Variants in KIF20B observed in about 807,000 individuals in gnomAD.
KIF20B encodes the protein kinesin-like protein KIF20B.
A neutral mutation model predicts 232.5 loss-of-function variants in KIF20B; 188 were observed. The observed-to-expected ratio is 0.81, with a 90% CI of 0.72 to 0.91. The LOEUF is 0.91. KIF20B is among the 40% of genes least tolerant of loss of function. KIF20B has a pLI of 0.00. For missense variants in KIF20B, 2,154 were observed against 2,055.9 expected (o/e 1.05, Z -0.92); for synonymous variants, 712 against 683.0 (o/e 1.04, Z -0.66).
At chr10:89,763,370 AT>A (rs1274971126) in intron 29 of KIF20B, among the ~76,000 whole-genome samples, 1 of 152,238 alleles carries the variant, frequency 6.6e-6, no homozygotes. Context: ...CAGTTAAACT[AT>A]AATACATCAA....
At position 89,711,106 on chromosome 10, in the gene KIF20B, A is replaced by G; in HGVS notation, c.636A>G (p.Glu212=). 6.4e-7 allele frequency: 1 copy of G among 1,563,640 alleles called. No individual in the cohort carries two copies. Among genetic ancestry groups the G allele is most frequent in the Non-Finnish European group, 8.7e-7 (1 of 1,153,730 alleles). The change falls in exon 6 of 33, where the codon GAA becomes GAG. Residue 212 remains glutamate, a synonymous_variant. Transcript: ENST00000371728. ...TATCATCAGAACAAGAGAAAGAAGAAATTGCTAGCAAAAGTGCATTGCTTC... is the reference window on the plus strand; with the variant it reads ...TATCATCAGAACAAGAGAAAGAAGAGATTGCTAGCAAAAGTGCATTGCTTC... ...LRLSSEQEKE[E]IASKSALLRQ...
At chr10:89,712,232 A>G (rs988309497) in intron 6 of KIF20B, among the ~76,000 whole-genome samples, 2 of 151,456 alleles carry the variant, frequency 1.3e-5, no homozygotes, top group African/African-American at 2.4e-5. Flanking sequence ...CCCTGCCCCC[A>G]TTGTGTTTTT....
chr10:89,751,180 G>A (rs1842014439), intron 23 of KIF20B, among the ~76,000 whole-genome samples, 166 bp from the exon 24 acceptor site: 5 of 151,972 alleles, frequency 3.3e-5, no homozygotes, highest in Admixed American at 3.3e-4. Context: ...TACCAGTACT[G>A]TTGTAGACAT....
At chr10:89,758,629 A>G (rs1842179691) in intron 26 of KIF20B, 77 bp from the exon 27 acceptor site, 1 of 988,500 alleles carries the variant, frequency 1.0e-6, no homozygotes, top group Admixed American at 3.5e-5. Flanking sequence ...ATGGTGTTAC[A>G]TATAATAATT....
Position 89,756,526 on chromosome 10 carries a change from T to G in KIF20B, c.4503+1853T>G, listed in dbSNP as rs115076550. Among the ~76,000 whole-genome samples the G allele has an allele frequency of 4.5e-3, 687 of 152,338 alleles. 10 individuals carry two copies. The highest frequency in any genetic ancestry group is 0.015 in the African/African-American group (635 of 41,572). On this transcript the variant is annotated intron_variant, in intron 26 of 32. Coordinates refer to ENST00000371728, the MANE Select transcript of KIF20B (RefSeq NM_001284259.2). ...TCTGCCATACTTAAGAAACACATTT[T>G]TGATGTAATGTTAATTTTTGATGTA... is the stretch of plus-strand genomic sequence containing the variant.
At chr10:89,745,041 G>T (rs1841880869) in intron 22 of KIF20B, among the ~76,000 whole-genome samples, 1 of 152,180 alleles carries the variant, frequency 6.6e-6, no homozygotes, top group Non-Finnish European at 1.5e-5. Flanking sequence ...GGTAAAAGGG[G>T]TGGAGAGCTC....
At chr10:89,720,999 A>G (rs1843044108) in intron 13 of KIF20B, among the ~76,000 whole-genome samples, 5 of 151,948 alleles carry the variant, frequency 3.3e-5, no homozygotes, top group Admixed American at 3.3e-4. Flanking sequence ...GAGCCACCTT[A>G]CCTGGCCACC....
chr10:89,737,607 T>C lies in KIF20B; in HGVS notation c.2766T>C (p.Ser922=), dbSNP rs1429412233. ...IVHFQQELSL[S]EKKNLTLSKE... ...ATTTTCAGCAGGAACTTTCTCTTTCTGAAAAAAAGAATTTAACTTTAAGTA... is the reference window on the plus strand; with the variant it reads ...ATTTTCAGCAGGAACTTTCTCTTTCCGAAAAAAAGAATTTAACTTTAAGTA... The change falls in exon 20 of 33, where the codon TCT becomes TCC. Residue 922 remains serine (S), a synonymous_variant. Transcript: ENST00000371728. 2.5e-6 allele frequency: 4 copies of C among 1,603,874 alleles called. No individual in the cohort carries two copies. The South Asian group carries it at 4.5e-5, about 18-fold the overall frequency.
intron 31 of KIF20B, among the ~76,000 whole-genome samples, chr10:89,770,086 T>C (rs1842435516): frequency 6.6e-6 from 1 of 152,058 alleles, no homozygotes; most frequent in Non-Finnish European, 1.5e-5. Context: ...GCATTAGAAC[T>C]TAAGACCAAA....
intron 2 of KIF20B, among the ~76,000 whole-genome samples, chr10:89,708,299 C>T (rs1241548068): frequency 6.6e-6 from 1 of 151,962 alleles, no homozygotes; most frequent in Admixed American, 6.6e-5. Flanking sequence ...GCAATCTCTG[C>T]CTCCCAGGTT....
rs375176305 is a variant in KIF20B, at chr10:89,765,953, C to CT, written c.4990-2334dup. ...CTTAACATTTTTTCCTTCATTTTGA[C>CT]TTTGCTGAATCTGACAATTATGTGT... On this transcript the variant is annotated intron_variant, in intron 29 of 32. Coordinates refer to ENST00000371728, the MANE Select transcript of KIF20B (RefSeq NM_001284259.2). Among the ~76,000 whole-genome samples the CT allele has an allele frequency of 2.9e-3, 436 of 152,150 alleles. 2 individuals are homozygous for CT. Among genetic ancestry groups the CT allele is most frequent in the African/African-American group, 9.2e-3 (381 of 41,522 alleles).
intron 13 of KIF20B, among the ~76,000 whole-genome samples, chr10:89,720,004 T>A (rs1308844023): frequency 1.3e-5 from 2 of 152,134 alleles, no homozygotes; most frequent in Admixed American, 1.3e-4. Flanking sequence ...TTTGAACATA[T>A]TTTTCTAAGA....
At chr10:89,771,609 C>T (rs1442718444) in intron 31 of KIF20B, among the ~76,000 whole-genome samples, 1 of 151,952 alleles carries the variant, frequency 6.6e-6, no homozygotes, top group Non-Finnish European at 1.5e-5. Context: ...CCATTCAGAG[C>T]CTCTTTATTG....
chr10:89,713,357 T>C (rs1386415130), intron 6 of KIF20B, among the ~76,000 whole-genome samples: 2 of 101,734 alleles, frequency 2.0e-5, no homozygotes, highest in African/African-American at 7.4e-5. Context: ...CAAGACTCTC[T>C]CAAAAAAAAA....
Position 89,714,930 on chromosome 10 carries a change from TTTTTTC to T in KIF20B, c.713-13_713-8del, listed in dbSNP as rs757282477. 1.5e-6 allele frequency: 2 copies of T among 1,375,444 alleles called. No individual in the cohort carries two copies. Among genetic ancestry groups the T allele is most frequent in the Admixed American group, 2.2e-5 (1 of 45,226 alleles). 85.2% of individuals were successfully genotyped at this position (1,375,444 alleles called of 1,614,324 possible). A position where few individuals can be genotyped will look rare whatever the true frequency, so the allele number is the denominator to read the frequency against. On this transcript the variant is annotated intron_variant, in intron 7 of 32. Coordinates refer to ENST00000371728, the MANE Select transcript of KIF20B (RefSeq NM_001284259.2). ...AGTCAGTTGCTTACTTTCGTGATTG[TTTTTTC>T]TTTTTCTTTTTTTTGTAGGAAGTTT... is the stretch of plus-strand genomic sequence containing the variant.
In KIF20B at chr10:89,710,135, C is replaced by T. The variant is rs1023228587; in HGVS notation, c.490+70C>T. 12 of 1,351,752 alleles carry T rather than the reference C, an allele frequency of 8.9e-6. No homozygotes were observed. In the African/African-American group the frequency reaches 1.6e-4, roughly 18 times the overall value. The allele number at this position is 1,351,752 out of a possible 1,614,324, so 83.7% of individuals were successfully genotyped here. A position where few individuals can be genotyped will look rare whatever the true frequency, so the allele number is the denominator to read the frequency against. On this transcript the variant is annotated intron_variant, in intron 5 of 32. Coordinates refer to ENST00000371728, the MANE Select transcript of KIF20B (RefSeq NM_001284259.2). ...ATAATCACTCAGTGTTTTTATAATA[C>T]ATACATGTAGTTATGTTGCTATTAC... is the stretch of plus-strand genomic sequence containing the variant.
chr10:89,736,295 T>A (rs1254598027), intron 19 of KIF20B, among the ~76,000 whole-genome samples: 2 of 152,148 alleles, frequency 1.3e-5, no homozygotes, highest in African/African-American at 4.8e-5. Context: ...TAAAAAGATA[T>A]GTAGATATAA....
Position 89,729,136 on chromosome 10 carries a change from T to C in KIF20B, c.2280T>C (p.Ile760=). 7.1e-7 allele frequency: 1 copy of C among 1,413,260 alleles called. No individual in the cohort carries two copies. The highest frequency in any genetic ancestry group is 9.5e-7 in the Non-Finnish European group (1 of 1,056,962). The allele number at this position is 1,413,260 out of a possible 1,614,324, so 87.5% of individuals were successfully genotyped here. ...TTTTCTTCTTTCCAAAGAAAATAAT[T>C]ACACAGAATCAAAGAATTAAAGAAT... ...QELETSNKKI[I]TQNQRIKELI... The change falls in exon 18 of 33, where the codon ATT becomes ATC. Residue 760 remains isoleucine (I), a synonymous_variant. Transcript: ENST00000371728.
chr10:89,714,149 A>G (rs1842889492), intron 7 of KIF20B, 66 bp downstream of exon 7: 7 of 906,578 alleles, frequency 7.7e-6, no homozygotes, highest in Non-Finnish European at 9.7e-6. Flanking sequence ...AAAAGCTTTT[A>G]ATTTTTAAAT....
Sources: allele counts gnomAD v4.1 joint callset (sites outside exome capture counted in the v4.1 genomes callset), GRCh38; gene constraint gnomAD v4.1.1; transcripts MANE v1.5; gene names NCBI Gene and HGNC (gene_info 2026-07-23, HGNC 2026-07-21).